The following AGAP1 variants were observed in gnomAD, a reference collection of about 807,000 sequenced individuals.
The protein encoded by AGAP1 is ArfGAP with GTPase domain, ankyrin repeat and PH domain 1, also known as arf-GAP with GTPase, ANK repeat and PH domain-containing protein 1.
Under a neutral mutation model 105.3 loss-of-function variants are expected in AGAP1, and 29 were observed. The observed-to-expected ratio is 0.28, with a 90% confidence interval of 0.21 to 0.38. AGAP1 has a LOEUF of 0.38. Among genes scored for constraint, AGAP1 ranks in the 10% least tolerant of loss-of-function variants. The pLI is 1.00. For missense variants in AGAP1, 998 were observed against 1,165.1 expected (o/e 0.86, Z 2.09); for synonymous variants, 509 against 485.9 (o/e 1.05, Z -0.63).
At chr2:236,086,264 C>T (rs1257596915) in intron 16 of AGAP1, among the ~76,000 whole-genome samples, 1 of 152,100 alleles carries the variant, frequency 6.6e-6, no homozygotes, top group African/African-American at 2.4e-5. Flanking sequence ...TAACGTGCCC[C>T]CCAATTTACT....
At chr2:235,678,723 C>T (rs1047573993) in intron 1 of AGAP1, among the ~76,000 whole-genome samples, 1 of 152,138 alleles carries the variant, frequency 6.6e-6, no homozygotes, top group Non-Finnish European at 1.5e-5. Context: ...TGTCCTCCTG[C>T]CTGCCTGCCT....
At position 236,073,469 on chromosome 2, in the gene AGAP1, C is replaced by T. The variant is rs2058558011; in HGVS notation, c.2114+24188C>T. Among the ~76,000 whole-genome samples the T allele has an allele frequency of 6.6e-6, 1 of 152,118 alleles. No homozygotes were observed. The highest frequency in any genetic ancestry group is 6.5e-5 in the Admixed American group (1 of 15,282). Reference sequence around the variant, plus strand: ...GAGTTACATTTGCCCTATCAGCTTGCAAAACATGCTGCAAAACAGCTTGCA... The same window carrying T: ...GAGTTACATTTGCCCTATCAGCTTGTAAAACATGCTGCAAAACAGCTTGCA... On this transcript the variant is annotated intron_variant, in intron 16 of 17. Coordinates refer to ENST00000304032, the MANE Select transcript of AGAP1 (RefSeq NM_001037131.3). This position sits in a 1 kb window ranked among gnomAD's most constrained non-coding sequence, Gnocchi z 5.4.
chr2:235,700,385 T>A lies in AGAP1; in HGVS notation c.164-8794T>A, dbSNP rs1360018259. Among the ~76,000 whole-genome samples, 1 of 152,202 alleles carries A rather than the reference T, an allele frequency of 6.6e-6. No individual in the cohort carries two copies. The highest frequency in any genetic ancestry group is 2.4e-5 in the African/African-American group (1 of 41,446). On this transcript the variant is annotated intron_variant, in intron 1 of 17. Transcript: ENST00000304032. The surrounding 1 kb of genome is among the most constrained non-coding windows in gnomAD (Gnocchi z 6.1). ...AAATCCTCACGCCCTCTGCTTTGAT[T>A]CTCTCAGACGTGAATCCTTTAAGCA... is the stretch of plus-strand genomic sequence containing the variant.
Position 236,120,127 on chromosome 2 carries a change from C to T in AGAP1, c.2115-65C>T. 1 of 1,557,938 alleles carries T rather than the reference C, an allele frequency of 6.4e-7. No homozygotes were observed. Among genetic ancestry groups the T allele is most frequent in the Non-Finnish European group, 8.7e-7 (1 of 1,150,352 alleles). On this transcript the variant is annotated intron_variant, in intron 16 of 17. Transcript: ENST00000304032. This position sits in a 1 kb window ranked among gnomAD's most constrained non-coding sequence, Gnocchi z 6.0. The stretch of plus-strand genomic sequence containing the variant: ...CTCGGCTTCTCCCGACCACACTGGG[C>T]AGGGGCTGGCAGCCTGTGTTCTCGG...
intron 1 of AGAP1, among the ~76,000 whole-genome samples, chr2:235,657,395 T>C (rs1379452317): frequency 1.3e-5 from 2 of 152,202 alleles, no homozygotes; most frequent in African/African-American, 2.4e-5. Flanking sequence ...TTATTATTAT[T>C]TGAGGTGGAG....
intron 1 of AGAP1, among the ~76,000 whole-genome samples, chr2:235,613,464 T>G (rs1406874471): frequency 1.3e-5 from 2 of 152,358 alleles, no homozygotes; most frequent in African/African-American, 2.4e-5. Context: ...TTTTCCTTCC[T>G]TCAATGAGAA....
chr2:236,028,005 AG>A (rs2057109211), intron 13 of AGAP1, among the ~76,000 whole-genome samples: 1 of 152,010 alleles, frequency 6.6e-6, no homozygotes, highest in Non-Finnish European at 1.5e-5. Flanking sequence ...GTGCTTTTCC[AG>A]GTTTAGAGTT....
intron 1 of AGAP1, among the ~76,000 whole-genome samples, chr2:235,673,962 C>T (rs1220393752): frequency 6.6e-6 from 1 of 152,172 alleles, no homozygotes; most frequent in Non-Finnish European, 1.5e-5. Flanking sequence ...TCCATTAGCA[C>T]AGGGAAGCAA....
chr2:235,678,996 A>G (rs1421612201), intron 1 of AGAP1, among the ~76,000 whole-genome samples: 22 of 152,200 alleles, frequency 1.4e-4, no homozygotes, highest in Admixed American at 1.4e-3. Context: ...CTCCCTGTGC[A>G]CAGCCAGCCT....
In AGAP1 at chr2:236,051,136, A is replaced by AGACTGTGGTGTTGGTGATGTGG. The variant is rs1378975699; in HGVS notation, c.2114+1856_2114+1877dup. Among the ~76,000 whole-genome samples the AGACTGTGGTGTTGGTGATGTGG allele has an allele frequency of 1.3e-5, 2 of 152,150 alleles. No homozygotes were observed. Among genetic ancestry groups the AGACTGTGGTGTTGGTGATGTGG allele is most frequent in the Non-Finnish European group, 2.9e-5 (2 of 68,028 alleles). ...CAGGCCGAGTTGTAATTCCTCTCCA[A>AGACTGTGGTGTTGGTGATGTGG]GACTGTGGTGTTGGTGATGTGGTTC... On this transcript the variant is annotated intron_variant, in intron 16 of 17. Transcript: ENST00000304032. The surrounding 1 kb of genome is among the most constrained non-coding windows in gnomAD (Gnocchi z 5.9).
At chr2:235,710,761 G>GA (rs1464726252) in intron 2 of AGAP1, among the ~76,000 whole-genome samples, 6 of 152,188 alleles carry the variant, frequency 3.9e-5, no homozygotes, top group African/African-American at 1.4e-4. Flanking sequence ...GAGATTCTCA[G>GA]AACAATCCCG....
intron 3 of AGAP1, among the ~76,000 whole-genome samples, chr2:235,738,742 G>C (rs1471336336): frequency 6.6e-6 from 1 of 151,836 alleles, no homozygotes; most frequent in African/African-American, 2.4e-5. Context: ...ATTTTTAGTA[G>C]AGACAGGGTT....
In AGAP1 at chr2:235,616,674, T is replaced by G. The variant is rs535140944; in HGVS notation, c.164-92505T>G. 9.2e-5 allele frequency among the ~76,000 whole-genome samples: 14 copies of G among 152,274 alleles called. No homozygotes were observed. The South Asian group carries it at 2.5e-3, about 27-fold the overall frequency. On this transcript the variant is annotated intron_variant, in intron 1 of 17. Transcript: ENST00000304032. ...GGTTTCTGGCTTCCTGCCCCACCTG[T>G]GGTTTCATTCTGCCCAGTTGTGTTC...
At chr2:235,774,299 A>G (rs1034627516) in intron 6 of AGAP1, 1 of 468,158 alleles carries the variant, frequency 2.1e-6, no homozygotes, top group Admixed American at 2.4e-5. Context: ...AGTCCCTCAC[A>G]CACCTGTCGC....
At chr2:235,756,332 C>G (rs143080196) in intron 6 of AGAP1, among the ~76,000 whole-genome samples, 31 of 152,048 alleles carry the variant, frequency 2.0e-4, no homozygotes, top group African/African-American at 6.5e-4. Flanking sequence ...AGCCAATGCA[C>G]CCTAACTTTT....
In AGAP1 at chr2:235,891,575, G is replaced by A. The variant is rs372315551; in HGVS notation, c.1155+8126G>A. 5.3e-5 allele frequency among the ~76,000 whole-genome samples: 8 copies of A among 152,214 alleles called. No homozygotes were observed. In the East Asian group the frequency reaches 1.4e-3, roughly 26 times the overall value. On this transcript the variant is annotated intron_variant, in intron 10 of 17. Transcript: ENST00000304032. This position sits in a 1 kb window ranked among gnomAD's most constrained non-coding sequence, Gnocchi z 4.2. ...ACCTCAGGGCTTCACAGTTCAGCGT[G>A]GCCACCTATTCATCTTCCATGTCGC...
rs1559709589 is a variant in AGAP1, at chr2:235,970,224, A to T, written c.1645+1601A>T. Reference sequence around the variant, plus strand: ...CTGTCTTTAAAAAAAAAAAAAAAAAAAAAAGACGATTTTTCTCATGTTGTG... The same window carrying T: ...CTGTCTTTAAAAAAAAAAAAAAAAATAAAAGACGATTTTTCTCATGTTGTG... On this transcript the variant is annotated intron_variant, in intron 13 of 17. Coordinates refer to ENST00000304032, the MANE Select transcript of AGAP1 (RefSeq NM_001037131.3). The surrounding 1 kb of genome is among the most constrained non-coding windows in gnomAD (Gnocchi z 5.4). Among the ~76,000 whole-genome samples the T allele has an allele frequency of 6.6e-6, 1 of 151,506 alleles. No individual in the cohort carries two copies. The highest frequency in any genetic ancestry group is 2.4e-5 in the African/African-American group (1 of 41,070).
chr2:235,800,560 C>T (rs565347054), intron 8 of AGAP1, among the ~76,000 whole-genome samples: 2 of 152,360 alleles, frequency 1.3e-5, no homozygotes, highest in South Asian at 4.1e-4. Context: ...ACTCCAGGCA[C>T]AGCTGCTGTC....
Position 235,959,335 on chromosome 2 carries a change from G to A in AGAP1, c.1484-9127G>A, listed in dbSNP as rs1218895910. ...CAATTTGAGGAATACCTTGTCAGGC[G>A]AGGGGAGTAGTTGGAATGGAAAAGC... On this transcript the variant is annotated intron_variant, in intron 12 of 17. Coordinates refer to ENST00000304032, the MANE Select transcript of AGAP1 (RefSeq NM_001037131.3). The surrounding 1 kb of genome is among the most constrained non-coding windows in gnomAD (Gnocchi z 7.3). Among the ~76,000 whole-genome samples, 10 of 152,180 alleles carry A rather than the reference G, an allele frequency of 6.6e-5. No individual in the cohort carries two copies. Among genetic ancestry groups the A allele is most frequent in the African/African-American group, 1.9e-4 (8 of 41,448 alleles).
Sources: allele counts gnomAD v4.1 joint callset (sites outside exome capture counted in the v4.1 genomes callset), GRCh38; gene constraint gnomAD v4.1.1; non-coding constraint Gnocchi (gnomAD v3.1); transcripts MANE v1.5; gene names NCBI Gene and HGNC (gene_info 2026-07-23, HGNC 2026-07-21).